CNTN5: variants seen among roughly 807,000 people sequenced by gnomAD.
CNTN5 encodes contactin-5.
A neutral mutation model predicts 129.1 loss-of-function variants in CNTN5; 77 were observed. The observed-to-expected ratio is 0.60, with a 90% CI of 0.50 to 0.72. CNTN5 has a LOEUF of 0.72. Ranked by LOEUF, CNTN5 falls within the 30% of genes least tolerant of loss-of-function variation. The probability of loss-of-function intolerance (pLI) is 0.00; values close to 1 mark genes in which losing one functional copy is unlikely to be tolerated. For missense variants in CNTN5, 1,478 were observed against 1,328.8 expected, an observed-to-expected ratio of 1.11 and a Z score of -1.75; for synonymous variants, 509 against 465.6, an observed-to-expected ratio of 1.09 and a Z score of -1.20.
intron 3 of CNTN5, among the ~76,000 whole-genome samples, chr11:99,782,854 A>G (rs1195417412): frequency 1.3e-5 from 2 of 151,988 alleles, no homozygotes; most frequent in East Asian, 2.0e-4. Context: ...CTTAAACGTT[A>G]GACCTAAAAC....
intron 3 of CNTN5, among the ~76,000 whole-genome samples, chr11:99,796,544 G>A (rs1194947640): frequency 1.3e-5 from 2 of 152,054 alleles, no homozygotes; most frequent in Non-Finnish European, 2.9e-5. Flanking sequence ...CAGCATATGA[G>A]CTATGATACG....
intron 3 of CNTN5, among the ~76,000 whole-genome samples, chr11:99,753,888 A>G (rs532162981): frequency 2.7e-5 from 4 of 150,556 alleles, no homozygotes; most frequent in East Asian, 4.0e-4. Context: ...GGGTTTTGCT[A>G]TGTTGGCTAG....
At chr11:100,212,261 T>C (rs1004883727) in intron 15 of CNTN5, among the ~76,000 whole-genome samples, 1 of 152,154 alleles carries the variant, frequency 6.6e-6, no homozygotes, top group African/African-American at 2.4e-5. Context: ...TTCTTTTCAA[T>C]AGATCCATAA....
At chr11:100,133,366 TTTG>T (rs948586903) in intron 13 of CNTN5, among the ~76,000 whole-genome samples, 2 of 152,122 alleles carry the variant, frequency 1.3e-5, no homozygotes, top group Admixed American at 1.3e-4. Context: ...TTCATTTTGG[TTTG>T]TTGTCAGATT....
intron 4 of CNTN5, among the ~76,000 whole-genome samples, chr11:99,823,881 A>T (rs572039282): frequency 1.0e-3 from 152 of 152,192 alleles, no homozygotes; most frequent in African/African-American, 3.5e-3. Context: ...CCTATAAAGT[A>T]CATGTACTGT....
intron 2 of CNTN5, among the ~76,000 whole-genome samples, chr11:99,346,005 A>T (rs1362743758): frequency 6.6e-6 from 1 of 152,208 alleles, no homozygotes; most frequent in Non-Finnish European, 1.5e-5. Context: ...GATGAAAAAT[A>T]GTTAGCCCAC....
intron 17 of CNTN5, among the ~76,000 whole-genome samples, chr11:100,269,404 G>T (rs557569523): frequency 6.6e-6 from 1 of 152,266 alleles, no homozygotes; most frequent in South Asian, 2.1e-4. Context: ...CTGAGCGAAG[G>T]CTGGAAGGAG....
At chr11:99,119,539 T>C (rs538405255) in intron 1 of CNTN5, among the ~76,000 whole-genome samples, 5 of 152,182 alleles carry the variant, frequency 3.3e-5, no homozygotes, top group Non-Finnish European at 7.3e-5. Flanking sequence ...GTATACCATT[T>C]ATGGGCATTC....
rs1858478514 is a variant in CNTN5, at chr11:99,188,710, A to G, written c.-209-136636A>G. 2.6e-5 allele frequency among the ~76,000 whole-genome samples: 4 copies of G among 151,682 alleles called. No homozygotes were observed. The South Asian group carries it at 8.3e-4, about 31-fold the overall frequency. ...ATACGTTCTCATGCTTATGCTCGTT[A>G]GTATTTTTACTAATTTCTTTATGTT... On this transcript the variant is annotated intron_variant, in intron 1 of 24. Transcript: ENST00000524871.
At chr11:99,761,450 G>C (rs1197635373) in intron 3 of CNTN5, among the ~76,000 whole-genome samples, 1 of 151,876 alleles carries the variant, frequency 6.6e-6, no homozygotes. Flanking sequence ...AGAGTGTGAT[G>C]TTCCCCTTCG....
At chr11:100,210,293 T>G (rs903012240) in intron 15 of CNTN5, among the ~76,000 whole-genome samples, 1 of 142,480 alleles carries the variant, frequency 7.0e-6, no homozygotes. Context: ...GAGGTTGCCG[T>G]GAGCCAAGAA....
At chr11:99,916,268 A>T in intron 7 of CNTN5, 119 bp downstream of exon 7, 1 of 698,610 alleles carries the variant, frequency 1.4e-6, no homozygotes, top group East Asian at 2.7e-5. Flanking sequence ...TTTTCTTGAC[A>T]TCTATCAGAG....
intron 15 of CNTN5, among the ~76,000 whole-genome samples, chr11:100,213,845 G>A (rs888246758): frequency 6.6e-6 from 1 of 152,112 alleles, no homozygotes; most frequent in Non-Finnish European, 1.5e-5. Flanking sequence ...GATTGTGAAA[G>A]ATAGTGTTAA....
At chr11:99,856,232 C>G (rs75989948) in intron 6 of CNTN5, among the ~76,000 whole-genome samples, 1 of 152,078 alleles carries the variant, frequency 6.6e-6, no homozygotes, top group African/African-American at 2.4e-5. Flanking sequence ...TGGAATTTCT[C>G]CCGGTAAATT....
chr11:99,916,201 G>A, intron 7 of CNTN5, 52 bp downstream of exon 7: 1 of 1,425,490 alleles, frequency 7.0e-7, no homozygotes. Context: ...TTTGCTATGT[G>A]TTCATTCTTT....
chr11:99,441,219 C>A (rs7949662), intron 2 of CNTN5, among the ~76,000 whole-genome samples: 1 of 152,110 alleles, frequency 6.6e-6, no homozygotes, highest in African/African-American at 2.4e-5. Flanking sequence ...CTCTAAAGAG[C>A]GTCAAAATAT....
intron 4 of CNTN5, among the ~76,000 whole-genome samples, chr11:99,840,518 A>C (rs1179838206): frequency 6.6e-6 from 1 of 151,766 alleles, no homozygotes; most frequent in Admixed American, 6.6e-5. Context: ...ATTCTTTTCT[A>C]AGAAAAAAAA....
At chr11:99,802,186 G>T (rs2135483705) in intron 3 of CNTN5, among the ~76,000 whole-genome samples, 1 of 152,210 alleles carries the variant, frequency 6.6e-6, no homozygotes, top group African/African-American at 2.4e-5. Flanking sequence ...GTTTTAAATT[G>T]GGCTGTTCAG....
At chr11:100,158,409 GTGA>G (rs971926214) in intron 13 of CNTN5, among the ~76,000 whole-genome samples, 1 of 151,784 alleles carries the variant, frequency 6.6e-6, no homozygotes, top group Non-Finnish European at 1.5e-5. Flanking sequence ...TAACTTCAAG[GTGA>G]TGCATATATA....
Sources: gnomAD v4.1 joint callset for allele counts (sites outside exome capture counted in the v4.1 genomes callset) on GRCh38, gnomAD v4.1.1 for gene constraint, MANE v1.5 for transcripts, NCBI Gene and HGNC (gene_info 2026-07-23, HGNC 2026-07-21) for gene names.